CNTLN: variants seen among roughly 807,000 people sequenced by gnomAD.
CNTLN encodes centlein, also known as centlein, centrosomal protein.
Under a neutral mutation model 180.0 loss-of-function variants are expected in CNTLN, and 212 were observed. The ratio of observed to expected loss-of-function variants is 1.18; its 90% CI spans 1.05 to 1.32. The LOEUF (loss-of-function observed/expected upper bound fraction) is 1.32. Ranked by LOEUF, CNTLN falls within the 40% of genes most tolerant of loss-of-function variation. The pLI, the probability that CNTLN is intolerant of heterozygous loss-of-function variation, is 0.00. For missense variants in CNTLN, 2,095 were observed against 1,610.9 expected (o/e 1.30, Z -5.14); for synonymous variants, 722 against 563.1 (o/e 1.28, Z -3.99).
At chr9:17,357,267 G>T (rs990072156) in intron 12 of CNTLN, among the ~76,000 whole-genome samples, 110 of 151,634 alleles carry the variant, frequency 7.3e-4, no homozygotes, top group African/African-American at 2.6e-3. Context: ...GGATGTTTGG[G>T]TTTTTTCCAT....
chr9:17,143,728 G>GTGT (rs1300799949), intron 2 of CNTLN, among the ~76,000 whole-genome samples: 2 of 152,170 alleles, frequency 1.3e-5, no homozygotes, highest in African/African-American at 4.8e-5. Context: ...CCTCTATAGG[G>GTGT]AACTTACTAG....
intron 2 of CNTLN, among the ~76,000 whole-genome samples, chr9:17,208,944 A>C (rs1214116798): frequency 6.6e-6 from 1 of 151,764 alleles, no homozygotes; most frequent in Admixed American, 6.6e-5. Flanking sequence ...TTTCAATTTC[A>C]TTAATTTATG....
At chr9:17,444,307 G>T (rs982295391) in intron 18 of CNTLN, 3 of 151,676 alleles carry the variant, frequency 2.0e-5, no homozygotes, top group Admixed American at 2.0e-4. Flanking sequence ...GCTTAAATTT[G>T]GGGAGCCACA....
At chr9:17,504,324 G>A (rs1415552144), downstream of CNTLN, among the ~76,000 whole-genome samples, 3 of 152,094 alleles carry the variant, frequency 2.0e-5, no homozygotes, top group African/African-American at 4.8e-5. Flanking sequence ...TCACAGGAAA[G>A]CACGAGTAAT....
intron 16 of CNTLN, among the ~76,000 whole-genome samples, chr9:17,413,628 A>G (rs1812344060): frequency 6.6e-6 from 1 of 152,188 alleles, no homozygotes; most frequent in African/African-American, 2.4e-5. Context: ...TTTACCAAAA[A>G]AGGATATACG....
intron 12 of CNTLN, among the ~76,000 whole-genome samples, chr9:17,353,404 T>G (rs1417191507): frequency 6.6e-6 from 1 of 151,986 alleles, no homozygotes; most frequent in Non-Finnish European, 1.5e-5. Flanking sequence ...TGTTTTGTAT[T>G]ATTTTTGTTC....
At chr9:17,429,456 C>T (rs1829283653) in intron 18 of CNTLN, among the ~76,000 whole-genome samples, 2 of 152,014 alleles carry the variant, frequency 1.3e-5, no homozygotes, top group African/African-American at 4.8e-5. Context: ...GGATATCATA[C>T]ACTGGAATAT....
At chr9:17,244,882 C>T (rs1350613487) in intron 5 of CNTLN, among the ~76,000 whole-genome samples, 1 of 152,132 alleles carries the variant, frequency 6.6e-6, no homozygotes, top group Non-Finnish European at 1.5e-5. Context: ...CTGATTACAT[C>T]TTAACACTGA....
chr9:17,309,260 A>T lies in CNTLN; in HGVS notation c.1341+8A>T. Reference sequence around the variant, plus strand: ...CCAGACTACTCAGCACAGGTGAGAGACATTTTCTAAAACTGTTATTCAGTG... The same window carrying T: ...CCAGACTACTCAGCACAGGTGAGAGTCATTTTCTAAAACTGTTATTCAGTG... On this transcript the variant is annotated splice_region_variant and intron_variant, in intron 8 of 25. Coordinates refer to ENST00000380647, the MANE Select transcript of CNTLN (RefSeq NM_017738.4). 1.3e-6 allele frequency: 2 copies of T among 1,535,794 alleles called. No individual in the cohort carries two copies. The highest frequency in any genetic ancestry group is 8.8e-7 in the Non-Finnish European group (1 of 1,142,468).
In CNTLN at chr9:17,379,937, G is replaced by A. The variant is rs111749351; in HGVS notation, c.1988-8225G>A. Among the ~76,000 whole-genome samples the A allele has an allele frequency of 1.2e-3, 175 of 152,150 alleles. 3 individuals carry two copies. The highest frequency in any genetic ancestry group is 3.4e-3 in the Middle Eastern group (1 of 294). On this transcript the variant is annotated intron_variant, in intron 13 of 25. Transcript: ENST00000380647. ...TTTACTGAAAATTGCAATTTATAAC[G>A]TAATGGGTCTTGAATAGAATCCCAC...
chr9:17,191,431 CT>C (rs1196103014), intron 2 of CNTLN, among the ~76,000 whole-genome samples: 8 of 152,218 alleles, frequency 5.3e-5, no homozygotes, highest in African/African-American at 1.9e-4. Context: ...CACAGTGCCC[CT>C]GTGTGTCTGC....
At chr9:17,160,317 A>T (rs1819591507) in intron 2 of CNTLN, among the ~76,000 whole-genome samples, 1 of 152,130 alleles carries the variant, frequency 6.6e-6, no homozygotes, top group Non-Finnish European at 1.5e-5. Flanking sequence ...TGCCATGTCT[A>T]ATTCATGTCC....
intron 2 of CNTLN, among the ~76,000 whole-genome samples, chr9:17,216,805 A>G (rs1460450595): frequency 6.6e-6 from 1 of 152,196 alleles, no homozygotes; most frequent in Non-Finnish European, 1.5e-5. Flanking sequence ...TTAAGCCAAC[A>G]TAGGCTGCAA....
intron 18 of CNTLN, among the ~76,000 whole-genome samples, chr9:17,434,481 T>A (rs577827635): frequency 3.9e-5 from 6 of 152,086 alleles, no homozygotes; most frequent in Non-Finnish European, 7.4e-5. Context: ...CTTTGACTTG[T>A]GTATTATTTA....
At chr9:17,480,113 C>T (rs1008961956) in intron 23 of CNTLN, among the ~76,000 whole-genome samples, 74 of 152,112 alleles carry the variant, frequency 4.9e-4, no homozygotes, top group African/African-American at 1.7e-3. Context: ...ATCACTTGAG[C>T]CTAGGAGTTC....
At chr9:17,359,143 C>G (rs1347177932) in intron 12 of CNTLN, among the ~76,000 whole-genome samples, 2 of 152,026 alleles carry the variant, frequency 1.3e-5, no homozygotes, top group African/African-American at 4.8e-5. Context: ...CTCAGCCCCC[C>G]AAGTAGTTGG....
At chr9:17,170,773 C>T (rs1820372393) in intron 2 of CNTLN, among the ~76,000 whole-genome samples, 2 of 151,974 alleles carry the variant, frequency 1.3e-5, no homozygotes, top group African/African-American at 4.8e-5. Context: ...CAATTAGACT[C>T]ATTTTCCTCA....
At chr9:17,346,689 T>C (rs1821928158) in intron 12 of CNTLN, among the ~76,000 whole-genome samples, 1 of 152,206 alleles carries the variant, frequency 6.6e-6, no homozygotes, top group Non-Finnish European at 1.5e-5. Flanking sequence ...GGTCATAACA[T>C]GTCTTGGCAT....
chr9:17,250,172 A>G (rs6475125), intron 5 of CNTLN, among the ~76,000 whole-genome samples: 31,108 of 151,468 alleles, frequency 0.21, 4,064 homozygotes, highest in African/African-American at 0.36. Context: ...TGATATGATT[A>G]TGTCTACCCC....
Sources: gnomAD v4.1 joint callset for allele counts (sites outside exome capture counted in the v4.1 genomes callset) on GRCh38, gnomAD v4.1.1 for gene constraint, MANE v1.5 for transcripts, NCBI Gene and HGNC (gene_info 2026-07-23, HGNC 2026-07-21) for gene names.